DCBLD1: variants seen among roughly 807,000 people sequenced by gnomAD.
DCBLD1 encodes discoidin, CUB and LCCL domain-containing protein 1.
Under a neutral mutation model 71.5 loss-of-function variants are expected in DCBLD1, and 57 were observed. The ratio of observed to expected loss-of-function variants is 0.80; its 90% CI spans 0.64 to 0.99. The LOEUF is 0.99. DCBLD1 is among the 50% of genes least tolerant of loss of function. The pLI, the probability that DCBLD1 is intolerant of heterozygous loss-of-function variation, is 0.00. For missense variants in DCBLD1, 891 were observed against 923.5 expected (o/e 0.96, Z 0.46); for synonymous variants, 380 against 363.8 (o/e 1.04, Z -0.51).
intron 1 of DCBLD1, among the ~76,000 whole-genome samples, chr6:117,486,677 T>C (rs1350891666): frequency 6.6e-6 from 1 of 152,246 alleles, no homozygotes; most frequent in Non-Finnish European, 1.5e-5. Flanking sequence ...AGTGTTTGTT[T>C]AGATGTTGTC....
At chr6:117,502,054 C>G (rs577647771) in intron 1 of DCBLD1, among the ~76,000 whole-genome samples, 1 of 152,286 alleles carries the variant, frequency 6.6e-6, no homozygotes, top group Non-Finnish European at 1.5e-5. Context: ...CCTTCCTGTT[C>G]CAGCTACCCC....
In DCBLD1 at chr6:117,544,589, ACT is replaced by A. The variant is rs766346438; in HGVS notation, c.1495+15_1495+16del. On this transcript the variant is annotated intron_variant, in intron 13 of 14. Transcript: ENST00000338728. ...GGCTCAGAAAACAGGTTGGTTGAAA[ACT>A]CTATCTACAATTTTATCTGTCTTTG... is the stretch of plus-strand genomic sequence containing the variant. The A allele has an allele frequency of 3.1e-6, 5 of 1,613,318 alleles. No homozygotes were observed. The highest frequency in any genetic ancestry group is 4.2e-6 in the Non-Finnish European group (5 of 1,179,854).
At chr6:117,538,069 C>T (rs1174683914) in intron 7 of DCBLD1, among the ~76,000 whole-genome samples, 3 of 152,116 alleles carry the variant, frequency 2.0e-5, no homozygotes, top group East Asian at 3.9e-4. Context: ...TAGCATAAAC[C>T]GTTTCAAGGA....
At chr6:117,488,286 A>G (rs1777159304) in intron 1 of DCBLD1, among the ~76,000 whole-genome samples, 1 of 152,192 alleles carries the variant, frequency 6.6e-6, no homozygotes, top group Non-Finnish European at 1.5e-5. Context: ...TATTCATGTT[A>G]TTTTAAACAG....
At chr6:117,502,187 A>C (rs1282199395) in intron 1 of DCBLD1, among the ~76,000 whole-genome samples, 2 of 152,114 alleles carry the variant, frequency 1.3e-5, no homozygotes, top group African/African-American at 4.8e-5. Flanking sequence ...CCTACTCAAA[A>C]AATTCTATGT....
chr6:117,526,922 T>C (rs1778563258), intron 5 of DCBLD1, among the ~76,000 whole-genome samples: 1 of 152,190 alleles, frequency 6.6e-6, no homozygotes, highest in Non-Finnish European at 1.5e-5. Flanking sequence ...CTTATAAAGG[T>C]GCAACAAAGG....
chr6:117,524,083 A>G (rs972883970), intron 4 of DCBLD1, among the ~76,000 whole-genome samples: 2 of 152,178 alleles, frequency 1.3e-5, no homozygotes, highest in African/African-American at 4.8e-5. Context: ...CTAGCTAGGT[A>G]GTGCTGGAGC....
chr6:117,529,979 A>C (rs968638380), intron 5 of DCBLD1, among the ~76,000 whole-genome samples: 1 of 152,132 alleles, frequency 6.6e-6, no homozygotes, highest in Admixed American at 6.6e-5. Flanking sequence ...TGGCCTGTGA[A>C]CCTGTCATCT....
downstream of DCBLD1, among the ~76,000 whole-genome samples, chr6:117,553,272 G>A (rs1331045377): frequency 2.0e-5 from 3 of 152,112 alleles, no homozygotes; most frequent in African/African-American, 7.2e-5. Context: ...AATAAAAGTC[G>A]TTAAAATCAG....
intron 1 of DCBLD1, among the ~76,000 whole-genome samples, chr6:117,500,480 T>C (rs553471240): frequency 6.7e-4 from 102 of 152,350 alleles, no homozygotes; most frequent in African/African-American, 2.2e-3. Flanking sequence ...TGAACTTGCC[T>C]GCATTGTGCC....
At position 117,544,537 on chromosome 6, in the gene DCBLD1, G is replaced by A; in HGVS notation, c.1455G>A (p.Lys485=). ...CTTTTTGTCTTGATAGGAAGAAGAA[G>A]AAAGGAAGTCCGTATGGATCAGCAG... The part of the protein sequence containing the change: ...GIFAAFRKKK[K]KGSPYGSAEA... Residue 485 remains lysine, a synonymous_variant, in exon 13 of 15, where the codon AAG becomes AAA. Transcript: ENST00000338728. 1 of 1,613,648 alleles carries A rather than the reference G, an allele frequency of 6.2e-7. No individual in the cohort carries two copies. The highest frequency in any genetic ancestry group is 1.7e-5 in the Admixed American group (1 of 59,918).
intron 14 of DCBLD1, chr6:117,563,336 C>T: frequency 6.2e-7 from 1 of 1,613,042 alleles, no homozygotes; most frequent in South Asian, 1.1e-5. Flanking sequence ...ACTTGCAGTG[C>T]CCAGGTCTCC....
chr6:117,513,378 G>A (rs1778085563), intron 2 of DCBLD1, among the ~76,000 whole-genome samples: 1 of 152,158 alleles, frequency 6.6e-6, no homozygotes. Flanking sequence ...CAAGGAATCA[G>A]CCCATTGTCT....
chr6:117,544,446 A>T, intron 12 of DCBLD1, 82 bp from the exon 13 acceptor site: 1 of 1,440,698 alleles, frequency 6.9e-7, no homozygotes, highest in Non-Finnish European at 9.6e-7. Context: ...GGTAAGTACT[A>T]TTATGATCCT....
chr6:117,522,569 G>A (rs897564653), intron 4 of DCBLD1, among the ~76,000 whole-genome samples: 9 of 152,078 alleles, frequency 5.9e-5, no homozygotes, highest in Admixed American at 2.6e-4. Flanking sequence ...AGCCTCCCAA[G>A]TAGCTGGGAC....
At position 117,500,996 on chromosome 6, in the gene DCBLD1, G is replaced by GAA. The variant is rs11418320; in HGVS notation, c.113-2761_113-2760dup. Among the ~76,000 whole-genome samples the GAA allele has an allele frequency of 2.2e-3, 328 of 147,782 alleles. 1 individual carries two copies. Among genetic ancestry groups the GAA allele is most frequent in the African/African-American group, 7.5e-3 (304 of 40,584 alleles). ...CTTATTTCATATTTAACTGTTTTCT[G>GAA]AAAAAAAAAAAGTTTTTCTCTTCCT... On this transcript the variant is annotated intron_variant, in intron 1 of 14. Transcript: ENST00000338728.
chr6:117,493,058 T>C (rs559598921), intron 1 of DCBLD1, among the ~76,000 whole-genome samples: 10 of 152,348 alleles, frequency 6.6e-5, no homozygotes, highest in Admixed American at 2.0e-4. Context: ...AAGTATCAGA[T>C]ACAGATGTGT....
At position 117,548,492 on chromosome 6, in the gene DCBLD1, C is replaced by T. The variant is rs1025268426; in HGVS notation, c.*53C>T. 2.1e-5 allele frequency: 33 copies of T among 1,545,124 alleles called. No individual in the cohort carries two copies. Among genetic ancestry groups the T allele is most frequent in the Non-Finnish European group, 2.8e-5 (32 of 1,146,076 alleles). ...TACTGAGCGTCGGGCTGTCACAAGGCACTGGAAGAAGGGAGCCTGCTGGTC... is the reference window on the plus strand; with the variant it reads ...TACTGAGCGTCGGGCTGTCACAAGGTACTGGAAGAAGGGAGCCTGCTGGTC... On this transcript the variant is annotated 3_prime_UTR_variant, in exon 15 of 15. Transcript: ENST00000338728.
chr6:117,520,241 A>T (rs1001500967), intron 3 of DCBLD1, among the ~76,000 whole-genome samples: 1 of 152,204 alleles, frequency 6.6e-6, no homozygotes, highest in African/African-American at 2.4e-5. Context: ...TTTGCAAAAA[A>T]TTTTTATAAT....
Sources: gnomAD v4.1 joint callset for allele counts (sites outside exome capture counted in the v4.1 genomes callset) on GRCh38, gnomAD v4.1.1 for gene constraint, MANE v1.5 for transcripts, NCBI Gene and HGNC (gene_info 2026-07-23, HGNC 2026-07-21) for gene names.